Variants in LAMA1 observed in about 807,000 individuals in gnomAD.
LAMA1 encodes laminin subunit alpha 1.
LAMA1 carries 219 observed loss-of-function variants against 348.7 expected under a neutral mutation model. The ratio of observed to expected loss-of-function variants is 0.63; its 90% CI spans 0.56 to 0.70. LAMA1 has a LOEUF of 0.70. Among genes scored for constraint, LAMA1 ranks in the 30% least tolerant of loss-of-function variants. The pLI is 0.00. For synonymous variants in LAMA1, 1,487 were observed against 1,491.0 expected, an observed-to-expected ratio of 1.00 and a Z score of 0.06; for missense variants, 3,744 against 3,888.0, an observed-to-expected ratio of 0.96 and a Z score of 0.99.
rs1348518761 is a variant in LAMA1 at position 6,992,691 on chromosome 18, T to A, written c.5038A>T (p.Thr1680Ser). ...EIMEKTTLNQ[T>S]LDEDFLLPNS... ...GGTAGTAGGAAATCTTCATCCAAAG[T>A]CTGATTTAAAGTTGTCTTTTCCATA... is the stretch of plus-strand genomic sequence containing the variant. The change falls in exon 36 of 63, where the codon ACT (threonine) becomes TCT (serine). Residue 1680 changes from threonine (T) to serine (S), a missense_variant. Physicochemically the swap from Thr to Ser is moderately conservative, Grantham distance 58. This residue lies in a region of LAMA1 where 1,983 missense variants were observed against 1,934.3 expected (regional missense o/e 1.03). Transcript: ENST00000389658. 6.2e-7 allele frequency: 1 copy of A among 1,613,390 alleles called. No individual in the cohort carries two copies. The highest frequency in any genetic ancestry group is 1.3e-5 in the African/African-American group (1 of 74,930).
At chr18:7,058,291 G>C (rs1161515728) in intron 3 of LAMA1, among the ~76,000 whole-genome samples, 2 of 152,176 alleles carry the variant, frequency 1.3e-5, no homozygotes, top group East Asian at 3.9e-4. Context: ...TCCTTAGGAT[G>C]CTGGGCCATT....
At chr18:6,999,812 AT>A in intron 31 of LAMA1, 98 bp downstream of exon 31, 1 of 1,292,024 alleles carries the variant, frequency 7.7e-7, no homozygotes, top group Non-Finnish European at 1.1e-6. Context: ...CAAACTGATA[AT>A]TGATAATGGC....
At chr18:7,025,833 C>G in intron 17 of LAMA1, 146 bp downstream of exon 17, 1 of 1,188,780 alleles carries the variant, frequency 8.4e-7, no homozygotes, top group Non-Finnish European at 1.2e-6. Context: ...ATAACCCACC[C>G]CTCTGTCTTT....
intron 36 of LAMA1, among the ~76,000 whole-genome samples, chr18:6,991,379 ACTT>A (rs1034008771): frequency 9.6e-5 from 14 of 145,418 alleles, no homozygotes; most frequent in South Asian, 4.4e-4. Flanking sequence ...AAATAATTCC[ACTT>A]CTTCTTCTTT....
chr18:6,941,850 T>TA lies in LAMA1; in HGVS notation c.*228dup, dbSNP rs1377332876. The TA allele has an allele frequency of 7.4e-6, 4 of 540,156 alleles. No individual in the cohort carries two copies. The highest frequency in any genetic ancestry group is 1.3e-5 in the Non-Finnish European group (4 of 302,762). The allele number at this position is 540,156 out of a possible 1,614,324, so 33.5% of individuals were successfully genotyped here. A position where few individuals can be genotyped will look rare whatever the true frequency, so the allele number is the denominator to read the frequency against. ...CATTCAATGTGTATAAAGATTTTTT[T>TA]AAAAATACGTTTAAAAAGAGAGCCA... On this transcript the variant is annotated 3_prime_UTR_variant, in exon 63 of 63. Coordinates refer to ENST00000389658, the MANE Select transcript of LAMA1 (RefSeq NM_005559.4).
At chr18:7,080,225 G>A (rs1468127634) in intron 2 of LAMA1, 62 bp downstream of exon 2, 30 of 1,608,220 alleles carry the variant, frequency 1.9e-5, no homozygotes, top group Non-Finnish European at 2.6e-5. Context: ...AGAAGTCTCA[G>A]TCCTCATTTC....
intron 18 of LAMA1, 144 bp downstream of exon 18, chr18:7,024,236 A>T: frequency 1.5e-6 from 1 of 660,296 alleles, no homozygotes; most frequent in Non-Finnish European, 2.6e-6. Flanking sequence ...TAAAACATGA[A>T]ATACTGATTT....
intron 31 of LAMA1, 132 bp downstream of exon 31, chr18:6,999,779 G>T: frequency 8.7e-7 from 1 of 1,151,428 alleles, no homozygotes; most frequent in Non-Finnish European, 1.3e-6. Context: ...CAGTAATGAG[G>T]TCTTATTTCA....
At chr18:7,011,148 T>C in intron 25 of LAMA1, 152 bp downstream of exon 25, 4 of 834,292 alleles carry the variant, frequency 4.8e-6, no homozygotes, top group Non-Finnish European at 7.6e-6. Context: ...GAGGAGACTT[T>C]TATGAGCATT....
chr18:7,039,759 A>T (rs2058011985), intron 10 of LAMA1, among the ~76,000 whole-genome samples: 1 of 152,218 alleles, frequency 6.6e-6, no homozygotes, highest in Admixed American at 6.5e-5. Context: ...GTTTAAAGAA[A>T]GAAAACAGAG....
At chr18:7,024,551 C>G (rs2057933788) in intron 17 of LAMA1, 85 bp from the exon 18 acceptor site, 2 of 1,105,032 alleles carry the variant, frequency 1.8e-6, no homozygotes, top group African/African-American at 1.6e-5. Flanking sequence ...TTCTACTACT[C>G]CTGTGCTTCC....
chr18:6,945,719 A>G (rs1600337553), intron 61 of LAMA1, among the ~76,000 whole-genome samples: 1 of 152,268 alleles, frequency 6.6e-6, no homozygotes, highest in East Asian at 1.9e-4. Context: ...AAGAGGTGGC[A>G]CTACTCATGA....
At chr18:7,041,096 A>G (rs2058018689) in intron 9 of LAMA1, among the ~76,000 whole-genome samples, 1 of 152,208 alleles carries the variant, frequency 6.6e-6, no homozygotes, top group South Asian at 2.1e-4. Flanking sequence ...ACACCAAAAC[A>G]ATGAATTGTA....
chr18:7,026,131 AGCTCAGGTT>A, intron 16 of LAMA1, 25 bp from the exon 17 acceptor site: 1 of 1,608,442 alleles, frequency 6.2e-7, no homozygotes, highest in Non-Finnish European at 8.5e-7. Flanking sequence ...CAGAAGAATC[AGCTCAGGTT>A]GTCTTAAAGG....
At chr18:6,995,558 T>G in intron 33 of LAMA1, 112 bp from the exon 34 acceptor site, 1 of 711,548 alleles carries the variant, frequency 1.4e-6, no homozygotes, top group Non-Finnish European at 2.5e-6. Context: ...TCTTCTTTCC[T>G]TGGAACTGTC....
chr18:7,069,328 C>T (rs764497881), intron 3 of LAMA1, among the ~76,000 whole-genome samples: 1 of 152,190 alleles, frequency 6.6e-6, no homozygotes, highest in Non-Finnish European at 1.5e-5. Context: ...TGTTTGGTTC[C>T]TATAAGCTCT....
intron 33 of LAMA1, among the ~76,000 whole-genome samples, chr18:6,995,864 T>C (rs2057778951): frequency 6.6e-6 from 1 of 152,258 alleles, no homozygotes; most frequent in Non-Finnish European, 1.5e-5. Flanking sequence ...AAAAATAAAG[T>C]GCTTAATTTA....
chr18:7,085,846 G>A (rs2058215127), intron 1 of LAMA1, among the ~76,000 whole-genome samples: 1 of 152,124 alleles, frequency 6.6e-6, no homozygotes, highest in Admixed American at 6.5e-5. Flanking sequence ...ACCTGACTGA[G>A]CAATAAAAAC....
chr18:7,054,004 C>CT (rs2058071994), intron 3 of LAMA1, among the ~76,000 whole-genome samples: 1 of 152,100 alleles, frequency 6.6e-6, no homozygotes, highest in Non-Finnish European at 1.5e-5. Context: ...CTCCTGGGCT[C>CT]AAGTGGTCTG....
Sources: gnomAD v4.1 joint callset for allele counts (sites outside exome capture counted in the v4.1 genomes callset) on GRCh38, gnomAD v4.1.1 for gene constraint, gnomAD v4.1.1 regional missense constraint, MANE v1.5 for transcripts, NCBI Gene and HGNC (gene_info 2026-07-23, HGNC 2026-07-21) for gene names.